The following CAST variants were observed in gnomAD, a reference collection of about 807,000 sequenced individuals.
CAST encodes the protein MIR583 host.
In CAST, 76 loss-of-function variants were observed where a neutral mutation model predicts 119.6. The ratio of observed to expected loss-of-function variants is 0.64; its 90% CI spans 0.53 to 0.77. CAST has a LOEUF of 0.77. CAST is among the 30% of genes least tolerant of loss of function. CAST has a pLI of 0.00. For synonymous variants in CAST, 319 were observed against 331.6 expected (o/e 0.96, Z 0.41); for missense variants, 953 against 946.5 (o/e 1.01, Z -0.09).
intron 1 of CAST, among the ~76,000 whole-genome samples, chr5:96,537,100 A>G (rs1461947226): frequency 6.6e-6 from 1 of 152,228 alleles, no homozygotes; most frequent in Non-Finnish European, 1.5e-5. Flanking sequence ...AGAAGCTTTC[A>G]ATACAGTGGC....
chr5:96,183,056 G>A, the CAST span, among the ~76,000 whole-genome samples: 3 of 151,782 alleles, frequency 2.0e-5, no homozygotes, highest in Non-Finnish European at 2.9e-5. Flanking sequence ...GGAGAATGGC[G>A]TGAACCCGGG....
chr5:96,746,523 C>A, intron 17 of CAST, 98 bp downstream of exon 17: 2 of 800,144 alleles, frequency 2.5e-6, no homozygotes, highest in Non-Finnish European at 4.5e-6. Flanking sequence ...CATGTCTGTC[C>A]CCCATTCAGA....
chr5:96,132,983 T>G, the CAST span, among the ~76,000 whole-genome samples: 1 of 152,092 alleles, frequency 6.6e-6, no homozygotes, highest in African/African-American at 2.4e-5. Context: ...AGATTAGAGC[T>G]TCAGAAATAT....
intron 1 of CAST, among the ~76,000 whole-genome samples, chr5:96,598,584 C>T (rs865775467): frequency 1.3e-5 from 2 of 152,280 alleles, no homozygotes; most frequent in African/African-American, 4.8e-5. Context: ...AAACATTGTC[C>T]TACCTCCGTT....
chr5:96,056,728 A>G, the CAST span, among the ~76,000 whole-genome samples: 1 of 152,176 alleles, frequency 6.6e-6, no homozygotes, highest in Non-Finnish European at 1.5e-5. Flanking sequence ...GTGAGAGATA[A>G]AAGTAAAGCC....
the CAST span, among the ~76,000 whole-genome samples, chr5:96,214,361 A>G: frequency 1.3e-5 from 2 of 152,228 alleles, no homozygotes; most frequent in Non-Finnish European, 2.9e-5. Context: ...GACCAAGAAA[A>G]GAAAAGGCAA....
chr5:96,601,846 G>A (rs557026222), intron 1 of CAST, among the ~76,000 whole-genome samples: 3 of 152,182 alleles, frequency 2.0e-5, no homozygotes, highest in South Asian at 2.1e-4. Flanking sequence ...AAAGTTATCC[G>A]GCATTTGATA....
At chr5:96,389,614 G>A in the CAST span, among the ~76,000 whole-genome samples, 1 of 152,142 alleles carries the variant, frequency 6.6e-6, no homozygotes, top group African/African-American at 2.4e-5. Context: ...GCAAGAGAGA[G>A]AAGTGGGCCT....
the CAST span, among the ~76,000 whole-genome samples, chr5:96,165,122 A>AG: frequency 1.3e-5 from 2 of 152,082 alleles, no homozygotes; most frequent in Non-Finnish European, 2.9e-5. Context: ...AGTGGGGGAC[A>AG]GGAGGGGAGA....
At chr5:96,070,377 T>C in the CAST span, among the ~76,000 whole-genome samples, 1 of 152,222 alleles carries the variant, frequency 6.6e-6, no homozygotes, top group African/African-American at 2.4e-5. Context: ...AGAGTCACTA[T>C]CTGTGATGAC....
At chr5:96,448,185 G>A in the CAST span, among the ~76,000 whole-genome samples, 7 of 152,152 alleles carry the variant, frequency 4.6e-5, no homozygotes, top group African/African-American at 7.2e-5. Flanking sequence ...TCCAGAAAGC[G>A]TATTAACATG....
At chr5:96,600,120 C>A (rs1747123497) in intron 1 of CAST, among the ~76,000 whole-genome samples, 1 of 152,070 alleles carries the variant, frequency 6.6e-6, no homozygotes, top group African/African-American at 2.4e-5. Context: ...ATTATTAAAC[C>A]CTTGTGTCTA....
chr5:96,670,952 G>A (rs1749987866), intron 1 of CAST, among the ~76,000 whole-genome samples: 1 of 152,232 alleles, frequency 6.6e-6, no homozygotes, highest in East Asian at 1.9e-4. Context: ...CTCAGGCTCT[G>A]AGCCTTATTG....
chr5:96,444,469 A>C, the CAST span, among the ~76,000 whole-genome samples: 1 of 152,208 alleles, frequency 6.6e-6, no homozygotes, highest in African/African-American at 2.4e-5. Context: ...CTGTAATTTT[A>C]AATATCCTCT....
Position 96,774,515 on chromosome 5 carries a change from A to ACACTG in CAST, c.*1899_*1900insCACTG. 1.0e-6 allele frequency: 1 copy of ACACTG among 986,472 alleles called. No individual in the cohort carries two copies. The allele number at this position is 986,472 out of a possible 1,614,324, so 61.1% of individuals were successfully genotyped here. ...GCAAAGAACAATTTTTTATTATCAAAAAGGTTTCTGCACATTGTTGTGGCA... is the reference window on the plus strand; with the variant it reads ...GCAAAGAACAATTTTTTATTATCAAACACTGAAGGTTTCTGCACATTGTTGTGGCA... On this transcript the variant is annotated 3_prime_UTR_variant, in exon 32 of 32. Coordinates refer to ENST00000675179, the MANE Select transcript of CAST (RefSeq NM_001750.7).
At chr5:96,103,206 T>A in the CAST span, among the ~76,000 whole-genome samples, 24 of 152,152 alleles carry the variant, frequency 1.6e-4, no homozygotes, top group Admixed American at 3.3e-4. Flanking sequence ...AACTCTTTTT[T>A]AAATTATTAT....
the CAST span, among the ~76,000 whole-genome samples, chr5:96,045,935 T>C: frequency 9.9e-4 from 150 of 152,272 alleles, no homozygotes; most frequent in African/African-American, 3.6e-3. Context: ...AGGGGGTATG[T>C]TACTTTTTAA....
chr5:96,135,863 C>T, the CAST span, among the ~76,000 whole-genome samples: 1 of 152,124 alleles, frequency 6.6e-6, no homozygotes, highest in Admixed American at 6.5e-5. Flanking sequence ...TAGAGACCAT[C>T]CTGGCCAACC....
At chr5:96,742,461 C>T (rs1036894434) in intron 15 of CAST, 194 bp from the exon 16 acceptor site, 3 of 562,726 alleles carry the variant, frequency 5.3e-6, no homozygotes, top group Admixed American at 3.1e-5. Context: ...GTGTCTTAGC[C>T]CCAATTTCCA....
Sources: allele counts gnomAD v4.1 joint callset (sites outside exome capture counted in the v4.1 genomes callset), GRCh38; gene constraint gnomAD v4.1.1; transcripts MANE v1.5; gene names NCBI Gene and HGNC (gene_info 2026-07-23, HGNC 2026-07-21).